Variants in FABP3 observed in about 807,000 individuals in gnomAD.
The protein encoded by FABP3 is fatty acid binding protein 3, also known as fatty acid-binding protein, heart.
In FABP3, 8 loss-of-function variants were observed where a neutral mutation model predicts 13.4. That is an observed-to-expected ratio of 0.60 (90% CI 0.35 to 1.07). The LOEUF (loss-of-function observed/expected upper bound fraction) is 1.07, where lower values mean the gene tolerates loss of function less well. FABP3 is among the 50% of genes least tolerant of loss of function. The probability of loss-of-function intolerance (pLI) is 0.02; values close to 1 mark genes in which losing one functional copy is unlikely to be tolerated. For synonymous variants in FABP3, 64 were observed against 60.0 expected, an observed-to-expected ratio of 1.07 and a Z score of -0.31; for missense variants, 135 against 164.7, an observed-to-expected ratio of 0.82 and a Z score of 0.99.
In FABP3 at chr1:31,367,456, C is replaced by G; in HGVS notation, c.285G>C (p.Leu95=). 6.2e-7 allele frequency: 1 copy of G among 1,614,198 alleles called. No individual in the cohort carries two copies. Among genetic ancestry groups the G allele is most frequent in the Non-Finnish European group, 8.5e-7 (1 of 1,180,016 alleles). The change falls in exon 3 of 4, where the codon CTG becomes CTC. Residue 95 remains leucine, a synonymous_variant. Coordinates refer to ENST00000373713, the MANE Select transcript of FABP3 (RefSeq NM_004102.5). Reference sequence around the variant, plus strand: ...TGGTCTCTTGCCCGTCCCATTTCTGCAGGTGAACAAGTTTCCCTCCATCCA... The same window carrying G: ...TGGTCTCTTGCCCGTCCCATTTCTGGAGGTGAACAAGTTTCCCTCCATCCA... ...VTLDGGKLVH[L]QKWDGQETTL... is the part of the protein sequence containing the mutation.
At chr1:31,360,955 A>G (rs1199216524), downstream of FABP3, among the ~76,000 whole-genome samples, 1 of 152,028 alleles carries the variant, frequency 6.6e-6, no homozygotes, top group Non-Finnish European at 1.5e-5. Flanking sequence ...TACTCTCCTC[A>G]CTTCTTTATC....
the FABP3 span, among the ~76,000 whole-genome samples, chr1:31,360,136 C>T: frequency 6.6e-6 from 1 of 152,042 alleles, no homozygotes; most frequent in East Asian, 1.9e-4. Context: ...TGTGCCACCA[C>T]GCCCGGCTAA....
At chr1:31,371,009 G>C (rs145760144) in intron 1 of FABP3, among the ~76,000 whole-genome samples, 41 of 152,362 alleles carry the variant, frequency 2.7e-4, no homozygotes, top group African/African-American at 9.6e-4. Flanking sequence ...AATTCAAAGA[G>C]AATAAACTAC....
At chr1:31,363,971 G>C, downstream of FABP3, 1 of 1,583,286 alleles carries the variant, frequency 6.3e-7, no homozygotes, top group Non-Finnish European at 8.6e-7. Flanking sequence ...CCAATTATGT[G>C]CTATGATTGT....
At position 31,372,954 on chromosome 1, in the gene FABP3, T is replaced by C; in HGVS notation, c.61A>G (p.Met21Val). 6.2e-7 allele frequency: 1 copy of C among 1,613,674 alleles called. No individual in the cohort carries two copies. Among genetic ancestry groups the C allele is most frequent in the South Asian group, 1.1e-5 (1 of 91,090 alleles). Reference sequence around the variant, plus strand: ...GCGGCTTGCTCACCGAGTGACTTCATGTAGTCATCGAAATTCTTGCTGTCC... The same window carrying C: ...GCGGCTTGCTCACCGAGTGACTTCACGTAGTCATCGAAATTCTTGCTGTCC... Reference protein sequence around the residue: ...LVDSKNFDDYMKSLGVGFATR... With the variant: ...LVDSKNFDDYVKSLGVGFATR... Residue 21 changes from methionine to valine, a missense_variant, in exon 1 of 4, where the codon ATG becomes GTG. Transcript: ENST00000373713.
rs1207685373 is a variant in FABP3 at position 31,369,516 on chromosome 1, G to C, written c.115C>G (p.Pro39Ala). Reference protein sequence around the residue: ...ATRQVASMTKPTTIIEKNGDI... With the variant: ...ATRQVASMTKATTIIEKNGDI... Reference sequence around the variant, plus strand: ...CCATTCTTTTCGATGATTGTGGTAGGCTTGGTCATGCTGGCCACCTGCCTG... The same window carrying C: ...CCATTCTTTTCGATGATTGTGGTAGCCTTGGTCATGCTGGCCACCTGCCTG... Residue 39 changes from proline to alanine, a missense_variant, in exon 2 of 4, where the codon CCT (proline) becomes GCT (alanine). Physicochemically the swap from Pro to Ala is conservative, Grantham distance 27. Coordinates refer to ENST00000373713, the MANE Select transcript of FABP3 (RefSeq NM_004102.5). 1 of 1,614,006 alleles carries C rather than the reference G, an allele frequency of 6.2e-7. No individual in the cohort carries two copies. Among genetic ancestry groups the C allele is most frequent in the African/African-American group, 1.3e-5 (1 of 74,900 alleles).
intron 3 of FABP3, 115 bp downstream of exon 3, chr1:31,367,278 C>T: frequency 3.5e-6 from 3 of 867,690 alleles, no homozygotes; most frequent in Non-Finnish European, 5.8e-6. Context: ...CACAACCACT[C>T]TCTTGTCCCA....
At position 31,365,704 on chromosome 1, in the gene FABP3, T is replaced by TTAA; in HGVS notation, c.*181_*182insTTA. ...CCTCAGAGCACCCTATGAGTGCAGT[T>TTAA]AAAAAAAAAAAAAAAAAACCACATA... On this transcript the variant is annotated 3_prime_UTR_variant, in exon 4 of 4. Transcript: ENST00000373713. The TTAA allele has an allele frequency of 6.6e-6, 3 of 456,858 alleles. No homozygotes were observed. The highest frequency in any genetic ancestry group is 7.8e-6 in the Non-Finnish European group (2 of 256,240). The allele number at this position is 456,858 out of a possible 1,614,324, so 28.3% of individuals were successfully genotyped here.
At chr1:31,366,062 ATGTGTGTGTGTGTGTGTGTGTGTG>A (rs3049341) in intron 3 of FABP3, 123 bp from the exon 4 acceptor site, 19 of 575,846 alleles carry the variant, frequency 3.3e-5, no homozygotes, top group Non-Finnish European at 5.7e-5. Flanking sequence ...ATATGTATGT[ATGTGTGTGTGTGTGTGTGTGTGTG>A]TGTGTGTGTG....
intron 2 of FABP3, 77 bp from the exon 3 acceptor site, chr1:31,367,571 C>G: frequency 1.6e-6 from 2 of 1,217,160 alleles, no homozygotes. Context: ...GGACACTGGG[C>G]CACAGAGCAC....
Position 31,370,952 on chromosome 1 carries a change from G to A in FABP3, c.74-1395C>T, listed in dbSNP as rs140722295. On this transcript the variant is annotated intron_variant, in intron 1 of 3. Transcript: ENST00000373713. ...TTAATGCTTGTAACAGCCTCGAAGCGTAGATTATCCCCAGTTTACAATGAA... is the reference window on the plus strand; with the variant it reads ...TTAATGCTTGTAACAGCCTCGAAGCATAGATTATCCCCAGTTTACAATGAA... Among the ~76,000 whole-genome samples, 247 of 152,338 alleles carry A rather than the reference G, an allele frequency of 1.6e-3. 9 individuals carry two copies. The South Asian group carries it at 0.02, about 12-fold the overall frequency.
chr1:31,369,579 T>C, intron 1 of FABP3, 22 bp from the exon 2 acceptor site: 4 of 1,613,046 alleles, frequency 2.5e-6, no homozygotes, highest in Non-Finnish European at 3.4e-6. Flanking sequence ...GGGAAGGTTA[T>C]GAGTATATGA....
intron 1 of FABP3, 31 bp downstream of exon 1, chr1:31,372,911 G>A: frequency 6.2e-7 from 1 of 1,606,760 alleles, no homozygotes; most frequent in Middle Eastern, 1.7e-4. Context: ...CAGTCCCCAA[G>A]CCAACATCCT....
downstream of FABP3, among the ~76,000 whole-genome samples, chr1:31,361,403 C>CT (rs1639888521): frequency 1.3e-5 from 2 of 152,194 alleles, no homozygotes; most frequent in African/African-American, 4.8e-5. Context: ...TAGTGCTTAT[C>CT]TTGTTTAAAC....
At chr1:31,364,291 A>G (rs1230711256), downstream of FABP3, 4 of 1,458,928 alleles carry the variant, frequency 2.7e-6, no homozygotes, top group Non-Finnish European at 3.6e-6. Context: ...ATAGCCTCCC[A>G]CCCCATTAAC....
At chr1:31,364,226 A>C, downstream of FABP3, 2 of 1,591,740 alleles carry the variant, frequency 1.3e-6, no homozygotes, top group Admixed American at 1.8e-5. Context: ...GGTTGAGAGT[A>C]AGAAACCAGG....
downstream of FABP3, among the ~76,000 whole-genome samples, chr1:31,360,784 T>A (rs894072351): frequency 2.6e-5 from 4 of 152,240 alleles, no homozygotes; most frequent in African/African-American, 9.6e-5. Flanking sequence ...TTTGCCGCTT[T>A]AGCCTTGGTC....
chr1:31,371,905 T>C (rs1263312676), intron 1 of FABP3, among the ~76,000 whole-genome samples: 2 of 152,180 alleles, frequency 1.3e-5, no homozygotes, highest in Non-Finnish European at 2.9e-5. Context: ...CTACTTTTCT[T>C]CCCACTCGCA....
rs150016586 is a variant in FABP3 at position 31,369,942 on chromosome 1, A to G, written c.74-385T>C. The stretch of plus-strand genomic sequence containing the variant: ...CAATATGGTGAAACCCGTCTCTACT[A>G]AAAATACAAAAAATTAGCCAGATGT... On this transcript the variant is annotated intron_variant, in intron 1 of 3. Transcript: ENST00000373713. Among the ~76,000 whole-genome samples the G allele has an allele frequency of 4.1e-4, 62 of 152,170 alleles. 1 individual carries two copies. In the East Asian group the frequency reaches 0.011, roughly 28 times the overall value.
Sources: gnomAD v4.1 joint callset for allele counts (sites outside exome capture counted in the v4.1 genomes callset) on GRCh38, gnomAD v4.1.1 for gene constraint, MANE v1.5 for transcripts, NCBI Gene and HGNC (gene_info 2026-07-23, HGNC 2026-07-21) for gene names.